Variants in RGS6 observed in about 807,000 individuals in gnomAD.
RGS6 encodes the protein regulator of G protein signaling 6.
A neutral mutation model predicts 78.5 loss-of-function variants in RGS6; 30 were observed. That is an observed-to-expected ratio of 0.38 (90% confidence interval 0.29 to 0.52). The LOEUF is 0.52. Among genes scored for constraint, RGS6 ranks in the 20% least tolerant of loss-of-function variants. The probability of loss-of-function intolerance (pLI) is 0.85; values close to 1 mark genes in which losing one functional copy is unlikely to be tolerated. For synonymous variants in RGS6, 206 were observed against 206.0 expected (o/e 1.00, Z 0.00); for missense variants, 495 against 609.7 (o/e 0.81, Z 1.98).
At chr14:72,326,759 G>T (rs1356361106) in intron 2 of RGS6, among the ~76,000 whole-genome samples, 1 of 152,206 alleles carries the variant, frequency 6.6e-6, no homozygotes, top group African/African-American at 2.4e-5. Flanking sequence ...CTGGAGTGCA[G>T]TGACGTGATC....
chr14:72,270,854 T>A (rs933237784), intron 2 of RGS6, among the ~76,000 whole-genome samples: 4 of 152,238 alleles, frequency 2.6e-5, no homozygotes, highest in South Asian at 2.1e-4. Context: ...GAATTCCTTT[T>A]AAAATGTTCT....
At chr14:71,944,946 G>C (rs776650715) in intron 1 of RGS6, among the ~76,000 whole-genome samples, 2 of 152,148 alleles carry the variant, frequency 1.3e-5, no homozygotes, top group African/African-American at 2.4e-5. Flanking sequence ...CAATTGTAGC[G>C]CAGTGGTGTT....
rs11628226 is a variant in RGS6, at chr14:72,157,736, G to C, written c.84+192861G>C. Among the ~76,000 whole-genome samples, 235 of 152,262 alleles carry C rather than the reference G, an allele frequency of 1.5e-3. 1 individual carries two copies. The highest frequency in any genetic ancestry group is 6.8e-3 in the Middle Eastern group (2 of 294). The stretch of plus-strand genomic sequence containing the variant: ...CACTTGGCAGTCATGTGTGGGTGAG[G>C]ATAATAATATTAATACTTAACCACT... On this transcript the variant is annotated intron_variant, in intron 2 of 17. Coordinates refer to ENST00000553525, the MANE Select transcript of RGS6 (RefSeq NM_001204424.2).
chr14:72,066,885 G>A (rs866541602), intron 2 of RGS6, among the ~76,000 whole-genome samples: 30 of 148,918 alleles, frequency 2.0e-4, no homozygotes, highest in Middle Eastern at 3.4e-3. Flanking sequence ...TGGCTCCAAA[G>A]TCCCTTATCC....
intron 2 of RGS6, among the ~76,000 whole-genome samples, chr14:72,336,444 A>G (rs972741632): frequency 1.3e-5 from 2 of 152,172 alleles, no homozygotes; most frequent in Non-Finnish European, 2.9e-5. Flanking sequence ...ACAATATGCA[A>G]GAAGTCAAAT....
intron 3 of RGS6, among the ~76,000 whole-genome samples, chr14:72,439,430 G>A (rs773021332): frequency 3.9e-5 from 6 of 152,354 alleles, no homozygotes; most frequent in African/African-American, 4.8e-5. Flanking sequence ...GAGGTGATGC[G>A]TGTGAGGCCT....
chr14:71,939,318 G>T (rs1205194970), intron 1 of RGS6, among the ~76,000 whole-genome samples: 1 of 152,180 alleles, frequency 6.6e-6, no homozygotes, highest in African/African-American at 2.4e-5. Flanking sequence ...CTGAATTTTA[G>T]TTGGATTTCT....
At chr14:72,212,177 T>C (rs1374805703) in intron 2 of RGS6, among the ~76,000 whole-genome samples, 21 of 152,110 alleles carry the variant, frequency 1.4e-4, no homozygotes, top group Admixed American at 1.4e-3. Context: ...GACTCCTCAA[T>C]TGCACACAGC....
At chr14:72,394,990 G>C (rs572051842) in intron 3 of RGS6, among the ~76,000 whole-genome samples, 2 of 151,418 alleles carry the variant, frequency 1.3e-5, no homozygotes, top group Non-Finnish European at 2.9e-5. Context: ...GGCTTCAACC[G>C]GTCCCTCCGT....
At chr14:71,932,218 G>C (rs980858935), upstream of RGS6, among the ~76,000 whole-genome samples, 37 of 152,094 alleles carry the variant, frequency 2.4e-4, no homozygotes, top group Non-Finnish European at 7.4e-5. Flanking sequence ...TGCGCCTTCC[G>C]CGGCTCTGGG....
chr14:72,547,553 C>T (rs2097426784), intron 17 of RGS6, among the ~76,000 whole-genome samples: 1 of 152,160 alleles, frequency 6.6e-6, no homozygotes, highest in East Asian at 1.9e-4. Flanking sequence ...TAAGATGTTG[C>T]CCTCCTGCAG....
the RGS6 span, among the ~76,000 whole-genome samples, chr14:71,883,799 C>T: frequency 6.6e-6 from 1 of 152,184 alleles, no homozygotes; most frequent in Admixed American, 6.5e-5. Flanking sequence ...CCCACCAGTG[C>T]CATGACAGTT....
chr14:72,312,243 TG>T (rs1441589542), intron 2 of RGS6, among the ~76,000 whole-genome samples: 5 of 119,640 alleles, frequency 4.2e-5, no homozygotes, highest in African/African-American at 1.7e-4. Flanking sequence ...TTTTTTTTTT[TG>T]GTACTCAGCC....
At chr14:72,210,036 TACTC>T (rs771677451) in intron 2 of RGS6, among the ~76,000 whole-genome samples, 1 of 152,250 alleles carries the variant, frequency 6.6e-6, no homozygotes, top group Non-Finnish European at 1.5e-5. Context: ...AGAATACAGA[TACTC>T]AGGAAGAGGA....
chr14:72,201,260 A>G (rs1423489522), intron 2 of RGS6, among the ~76,000 whole-genome samples: 1 of 152,222 alleles, frequency 6.6e-6, no homozygotes, highest in African/African-American at 2.4e-5. Flanking sequence ...TATTATGGCA[A>G]CTGATGATTT....
At chr14:72,490,900 T>A (rs1273495379) in intron 12 of RGS6, among the ~76,000 whole-genome samples, 1 of 152,214 alleles carries the variant, frequency 6.6e-6, no homozygotes, top group Non-Finnish European at 1.5e-5. Flanking sequence ...GATGTGCATA[T>A]GAATCACCTG....
intron 2 of RGS6, among the ~76,000 whole-genome samples, chr14:72,222,218 T>C (rs918476432): frequency 1.3e-5 from 2 of 152,220 alleles, no homozygotes; most frequent in African/African-American, 2.4e-5. Context: ...AGAGATCTGC[T>C]CTGCCTGTGA....
At chr14:72,556,373 A>G (rs919660511) in intron 17 of RGS6, among the ~76,000 whole-genome samples, 1 of 152,158 alleles carries the variant, frequency 6.6e-6, no homozygotes, top group Non-Finnish European at 1.5e-5. Context: ...CGAGAATAGC[A>G]TGGGGGAAAC....
At chr14:72,236,126 G>A (rs2050944318) in intron 2 of RGS6, among the ~76,000 whole-genome samples, 1 of 152,176 alleles carries the variant, frequency 6.6e-6, no homozygotes, top group African/African-American at 2.4e-5. Context: ...GAAAGGGAAG[G>A]AGGGTGGTCA....
Sources: gnomAD v4.1 joint callset for allele counts (sites outside exome capture counted in the v4.1 genomes callset) on GRCh38, gnomAD v4.1.1 for gene constraint, MANE v1.5 for transcripts, NCBI Gene and HGNC (gene_info 2026-07-23, HGNC 2026-07-21) for gene names.